Variants in ARHGEF10 observed in about 807,000 individuals in gnomAD.
ARHGEF10 encodes the protein Rho guanine nucleotide exchange factor (GEF) 10.
A neutral mutation model predicts 147.4 loss-of-function variants in ARHGEF10; 140 were observed. The ratio of observed to expected loss-of-function variants is 0.95; its 90% CI spans 0.83 to 1.09. The LOEUF is 1.09. Among genes scored for constraint, ARHGEF10 ranks in the 50% least tolerant of loss-of-function variants. ARHGEF10 has a pLI of 0.00. For missense variants in ARHGEF10, 2,222 were observed against 1,752.7 expected, an observed-to-expected ratio of 1.27 and a Z score of -4.78; for synonymous variants, 902 against 695.8, an observed-to-expected ratio of 1.30 and a Z score of -4.67.
chr8:1,906,504 C>T (rs926405169), intron 17 of ARHGEF10, among the ~76,000 whole-genome samples: 1 of 152,226 alleles, frequency 6.6e-6, no homozygotes, highest in Non-Finnish European at 1.5e-5. Context: ...CAGCACACCA[C>T]TAAACATGCC....
intron 15 of ARHGEF10, among the ~76,000 whole-genome samples, chr8:1,902,013 G>C (rs1055535057): frequency 6.6e-6 from 1 of 152,006 alleles, no homozygotes; most frequent in African/African-American, 2.4e-5. Flanking sequence ...CTAAGTTCTG[G>C]GATATGTGTG....
intron 7 of ARHGEF10, among the ~76,000 whole-genome samples, chr8:1,874,408 A>G (rs1017802021): frequency 5.9e-5 from 9 of 152,234 alleles, no homozygotes; most frequent in African/African-American, 2.2e-4. Flanking sequence ...TGTGCGGAAT[A>G]CAGAAAATGC....
At chr8:1,880,229 CTCGG>C in intron 9 of ARHGEF10, 65 bp downstream of exon 9, 1 of 1,117,410 alleles carries the variant, frequency 8.9e-7, no homozygotes, top group Non-Finnish European at 1.4e-6. Context: ...AACCGCGCGG[CTCGG>C]TCGGTCCTTG....
chr8:1,855,442 C>T lies in ARHGEF10; in HGVS notation c.38-2518C>T, dbSNP rs147361344. On this transcript the variant is annotated intron_variant, in intron 2 of 28. Transcript: ENST00000349830. Reference sequence around the variant, plus strand: ...TGTCCCCCAGGCTGCAGTGCGGTGGCGCAATCTCAGCTCACTGCAACTTCC... The same window carrying T: ...TGTCCCCCAGGCTGCAGTGCGGTGGTGCAATCTCAGCTCACTGCAACTTCC... Among the ~76,000 whole-genome samples the T allele has an allele frequency of 3.2e-3, 494 of 152,186 alleles. 1 individual carries two copies. Among genetic ancestry groups the T allele is most frequent in the Non-Finnish European group, 4.3e-3 (295 of 68,018 alleles).
chr8:1,883,430 C>T (rs1357523944), intron 10 of ARHGEF10, among the ~76,000 whole-genome samples: 1 of 152,098 alleles, frequency 6.6e-6, no homozygotes, highest in Non-Finnish European at 1.5e-5. Flanking sequence ...GTTGTTTCTC[C>T]AGCTTTCTAA....
intron 17 of ARHGEF10, among the ~76,000 whole-genome samples, chr8:1,908,942 A>C (rs1299754723): frequency 1.3e-5 from 2 of 152,234 alleles, no homozygotes; most frequent in East Asian, 3.9e-4. Context: ...CCGCCAGAGA[A>C]TATCTCTATC....
intron 15 of ARHGEF10, among the ~76,000 whole-genome samples, chr8:1,899,875 G>A (rs895886486): frequency 1.3e-5 from 2 of 152,156 alleles, no homozygotes; most frequent in South Asian, 2.1e-4. Flanking sequence ...GGGTCAGGCC[G>A]CCTGTTAGAC....
At chr8:1,867,522 G>T (rs1474094109) in intron 6 of ARHGEF10, among the ~76,000 whole-genome samples, 1 of 152,166 alleles carries the variant, frequency 6.6e-6, no homozygotes, top group Non-Finnish European at 1.5e-5. Context: ...TCCCGTCTCT[G>T]TGTGGATTAA....
chr8:1,922,922 T>C (rs1563290424), intron 18 of ARHGEF10, 42 bp from the exon 19 acceptor site: 2 of 1,430,562 alleles, frequency 1.4e-6, no homozygotes, highest in Non-Finnish European at 2.0e-6. Flanking sequence ...AAATATGGCT[T>C]TACCTTTGTA....
chr8:1,866,899 ACT>A (rs1417025658), intron 6 of ARHGEF10, among the ~76,000 whole-genome samples: 1 of 151,586 alleles, frequency 6.6e-6, no homozygotes, highest in Non-Finnish European at 1.5e-5. Flanking sequence ...GGTAACAGAA[ACT>A]CTGACCTGCA....
chr8:1,849,077 C>T (rs994459217), intron 2 of ARHGEF10, among the ~76,000 whole-genome samples: 2 of 152,230 alleles, frequency 1.3e-5, no homozygotes, highest in Admixed American at 6.5e-5. Context: ...CTAGACACCG[C>T]TCCCCACCCC....
intron 15 of ARHGEF10, among the ~76,000 whole-genome samples, chr8:1,902,127 G>C (rs991271018): frequency 6.6e-6 from 1 of 152,066 alleles, no homozygotes; most frequent in Non-Finnish European, 1.5e-5. Flanking sequence ...TTAGGTATTT[G>C]TCTTAATGCT....
At chr8:1,833,087 G>C (rs1182057362) in intron 1 of ARHGEF10, among the ~76,000 whole-genome samples, 7 of 107,674 alleles carry the variant, frequency 6.5e-5, no homozygotes, top group Admixed American at 2.7e-4. Flanking sequence ...GAGAGACAGA[G>C]ACAGAGGCAG....
In ARHGEF10 at chr8:1,957,089, T is replaced by A; in HGVS notation, c.3861T>A (p.Asp1287Glu). 1 of 1,613,424 alleles carries A rather than the reference T, an allele frequency of 6.2e-7. No homozygotes were observed. The highest frequency in any genetic ancestry group is 8.5e-7 in the Non-Finnish European group (1 of 1,180,020). ...GCACCATCTATGATCTCCTGAAGGATCCTGTCTCGCTGAGAAGCAAAGCAC... is the reference window on the plus strand; with the variant it reads ...GCACCATCTATGATCTCCTGAAGGAACCTGTCTCGCTGAGAAGCAAAGCAC... ...EDSTIYDLLK[D>E]PVSLRSKARR... The change falls in exon 29 of 29, where the codon GAT becomes GAA. Residue 1287 changes from aspartate (D) to glutamate (E), a missense_variant. Asp to Glu is a conservative substitution (Grantham distance 45). Coordinates refer to ENST00000349830, the MANE Select transcript of ARHGEF10 (RefSeq NM_014629.4).
In ARHGEF10 at chr8:1,860,142, T is replaced by G. The variant is rs775674072; in HGVS notation, c.439T>G (p.Ser147Ala). 1 of 1,613,794 alleles carries G rather than the reference T, an allele frequency of 6.2e-7. No individual in the cohort carries two copies. The highest frequency in any genetic ancestry group is 8.5e-7 in the Non-Finnish European group (1 of 1,179,938). ...CCTGCCCCTCCTGCTGCCCGCCTAC[T>G]CCAGCCCGGTCATCATCTGCGCCAC... Reference protein sequence around the residue: ...SNLPLLLPAYSSPVIICATSL... With the variant: ...SNLPLLLPAYASPVIICATSL... The change falls in exon 4 of 29, where the codon TCC becomes GCC. Residue 147 changes from serine (S) to alanine (A), a missense_variant. Transcript: ENST00000349830.
chr8:1,912,619 C>T (rs184076381), intron 18 of ARHGEF10, among the ~76,000 whole-genome samples: 241 of 123,154 alleles, frequency 2.0e-3, no homozygotes, highest in African/African-American at 6.6e-3. Context: ...CTGTGGTGTT[C>T]GACATCCGGA....
At position 1,925,500 on chromosome 8, in the gene ARHGEF10, C is replaced by T. The variant is rs1211121508; in HGVS notation, c.2610+96C>T. ...TGATTCTTAAGGGGCGTGGTCAGAA[C>T]ATGGTCCTCCCAGGTTCACCACAGT... On this transcript the variant is annotated intron_variant, in intron 22 of 28. Coordinates refer to ENST00000349830, the MANE Select transcript of ARHGEF10 (RefSeq NM_014629.4). 7.9e-6 allele frequency: 12 copies of T among 1,527,030 alleles called. No homozygotes were observed. In the African/African-American group the frequency reaches 1.5e-4, roughly 19 times the overall value. The allele number at this position is 1,527,030 out of a possible 1,614,324, so 94.6% of individuals were successfully genotyped here. A position where few individuals can be genotyped will look rare whatever the true frequency, so the allele number is the denominator to read the frequency against.
intron 2 of ARHGEF10, among the ~76,000 whole-genome samples, chr8:1,849,314 T>C (rs1452972677): frequency 2.1e-5 from 3 of 141,708 alleles, no homozygotes; most frequent in Non-Finnish European, 4.5e-5. Context: ...GAGGAGGGCA[T>C]GGGGCAGCCA....
intron 26 of ARHGEF10, among the ~76,000 whole-genome samples, chr8:1,942,742 T>C (rs570121174): frequency 1.3e-5 from 2 of 152,278 alleles, no homozygotes; most frequent in East Asian, 1.9e-4. Flanking sequence ...TACATGAGGA[T>C]TGGTTTCAGC....
Sources: gnomAD v4.1 joint callset for allele counts (sites outside exome capture counted in the v4.1 genomes callset) on GRCh38, gnomAD v4.1.1 for gene constraint, MANE v1.5 for transcripts, NCBI Gene and HGNC (gene_info 2026-07-23, HGNC 2026-07-21) for gene names.